The following NUP153 variants were observed in gnomAD, a reference collection of about 807,000 sequenced individuals.
NUP153 encodes nuclear pore complex protein Nup153.
Under a neutral mutation model 134.6 loss-of-function variants are expected in NUP153, and 27 were observed. That is an observed-to-expected ratio of 0.20 (90% CI 0.15 to 0.28). NUP153 has a LOEUF of 0.28. Among genes scored for constraint, NUP153 ranks in the 10% least tolerant of loss-of-function variants. The pLI, the probability that NUP153 is intolerant of heterozygous loss-of-function variation, is 1.00. For missense variants in NUP153, 1,821 were observed against 1,731.3 expected (o/e 1.05, Z -0.92); for synonymous variants, 640 against 623.5 (o/e 1.03, Z -0.40).
chr6:17,619,457 A>G (rs1379892095), intron 20 of NUP153: 1 of 152,234 alleles, frequency 6.6e-6, no homozygotes, highest in Non-Finnish European at 1.5e-5. Context: ...GTTTCCCAAG[A>G]GCACAGTTAA....
In NUP153 at chr6:17,629,142, A is replaced by G. The variant is rs201517991; in HGVS notation, c.3057T>C (p.Ser1019=). The G allele has an allele frequency of 3.0e-5, 49 of 1,613,596 alleles. No homozygotes were observed. In the South Asian group the frequency reaches 5.0e-4, roughly 16 times the overall value. ...CACCTGTACCAAAGCTAAAACCTGC[A>G]GAGGAAGATTTGGGCAGTTCCTCTT... ...EKKEELPKSS[S]AGFSFGTGVI... Residue 1019 remains serine (S), a synonymous_variant, in exon 18 of 22, where the codon TCT becomes TCC. Transcript: ENST00000262077.
At chr6:17,636,928 AAG>A (rs1446834383) in intron 16 of NUP153, among the ~76,000 whole-genome samples, 4 of 152,224 alleles carry the variant, frequency 2.6e-5, no homozygotes, top group Admixed American at 2.0e-4. Flanking sequence ...ACTGTACAAA[AAG>A]AGGAGGTCGT....
At chr6:17,683,008 A>G (rs1050138040) in intron 2 of NUP153, among the ~76,000 whole-genome samples, 1 of 151,754 alleles carries the variant, frequency 6.6e-6, no homozygotes, top group Non-Finnish European at 1.5e-5. Flanking sequence ...AAGATATTGC[A>G]GTAATTCAGT....
chr6:17,705,595 G>A (rs1206740175), intron 1 of NUP153, among the ~76,000 whole-genome samples: 1 of 133,080 alleles, frequency 7.5e-6, no homozygotes, highest in Non-Finnish European at 1.6e-5. Flanking sequence ...TGGGGGGGGG[G>A]AGGGGAGTCG....
At chr6:17,626,435 A>T (rs1320763659) in intron 18 of NUP153, among the ~76,000 whole-genome samples, 1 of 152,180 alleles carries the variant, frequency 6.6e-6, no homozygotes, top group Non-Finnish European at 1.5e-5. Context: ...CTCGAATCCA[A>T]ATCTAACTGG....
intron 20 of NUP153, 137 bp from the exon 21 acceptor site, chr6:17,616,832 C>T: frequency 4.1e-6 from 3 of 738,042 alleles, no homozygotes; most frequent in Non-Finnish European, 6.6e-6. Context: ...TCACTGCAAC[C>T]CTTGCCTCCT....
rs747401978 is a variant in NUP153, at chr6:17,629,407, C to A, written c.2792G>T (p.Gly931Val). The A allele has an allele frequency of 1.1e-5, 17 of 1,613,890 alleles. No individual in the cohort carries two copies. Among genetic ancestry groups the A allele is most frequent in the Non-Finnish European group, 1.0e-5 (12 of 1,179,970 alleles). The change falls in exon 18 of 22, where the codon GGA (glycine) becomes GTA (valine). Residue 931 changes from glycine (G) to valine (V), a missense_variant. Physicochemically the swap from Gly to Val is moderately radical, Grantham distance 109. Coordinates refer to ENST00000262077, the MANE Select transcript of NUP153 (RefSeq NM_005124.4). ...TGNFKFGDQG[G>V]FKIGVSSDSG... ...ATCGGATGACACACCTATTTTGAAT[C>A]CTCCCTGATCTCCAAATTTAAAATT...
chr6:17,648,708 T>C (rs1354078782), intron 12 of NUP153, among the ~76,000 whole-genome samples: 1 of 151,792 alleles, frequency 6.6e-6, no homozygotes, highest in Non-Finnish European at 1.5e-5. Flanking sequence ...GAGGCTGAGG[T>C]GGGAGGATCA....
rs1764302597 is a variant in NUP153, at chr6:17,616,114, C to G, written c.4411G>C (p.Val1471Leu). 1 of 1,612,702 alleles carries G rather than the reference C, an allele frequency of 6.2e-7. No individual in the cohort carries two copies. The highest frequency in any genetic ancestry group is 1.7e-5 in the Admixed American group (1 of 59,998). ...SFSGRKIKTA[V>L]RRRK ...TGTGACCTTTATTTCCTGCGTCTAA[C>G]AGCAGTCTTTATCTTGCGACCAGAG... The change falls in exon 22 of 22, where the codon GTT becomes CTT. Residue 1471 changes from valine (V) to leucine (L), a missense_variant. Val to Leu is a conservative substitution (Grantham distance 32, BLOSUM62 1). Coordinates refer to ENST00000262077, the MANE Select transcript of NUP153 (RefSeq NM_005124.4).
In NUP153 at chr6:17,616,063, G is replaced by A. The variant is rs368448871; in HGVS notation, c.*34C>T. On this transcript the variant is annotated 3_prime_UTR_variant, in exon 22 of 22. Transcript: ENST00000262077. Reference sequence around the variant, plus strand: ...AGTATCTGAAAGCAGGGCACCAGCTGTTGTTAAAATTGAGTACAACACCAA... The same window carrying A: ...AGTATCTGAAAGCAGGGCACCAGCTATTGTTAAAATTGAGTACAACACCAA... The A allele has an allele frequency of 5.5e-6, 8 of 1,446,990 alleles. No individual in the cohort carries two copies. Among genetic ancestry groups the A allele is most frequent in the Middle Eastern group, 1.7e-4 (1 of 5,758 alleles). 89.6% of individuals were successfully genotyped at this position (1,446,990 alleles called of 1,614,324 possible).
At chr6:17,689,626 T>A (rs1769160474) in intron 1 of NUP153, among the ~76,000 whole-genome samples, 3 of 150,954 alleles carry the variant, frequency 2.0e-5, no homozygotes, top group African/African-American at 4.9e-5. Flanking sequence ...AACCTCCGCC[T>A]CCTGGGTTCA....
At chr6:17,632,928 G>A (rs1427185215) in intron 16 of NUP153, 84 bp from the exon 17 acceptor site, 3 of 997,332 alleles carry the variant, frequency 3.0e-6, no homozygotes, top group East Asian at 5.2e-5. Flanking sequence ...TAATGGCACT[G>A]CTAAGTTTAA....
rs1364252784 is a variant in NUP153, at chr6:17,665,369, G to C, written c.1085C>G (p.Pro362Arg). 1 of 1,611,102 alleles carries C rather than the reference G, an allele frequency of 6.2e-7. No homozygotes were observed. Among genetic ancestry groups the C allele is most frequent in the South Asian group, 1.1e-5 (1 of 90,406 alleles). ...TGGGGTCATAAGTCTCTGAACAGGA[G>C]GATATTGAGAATCCACCTTACAGGT... ...AKREKVDSQY[P>R]PVQRLMTPKP... Residue 362 changes from proline to arginine, a missense_variant, in exon 9 of 22, where the codon CCT becomes CGT. Transcript: ENST00000262077.
chr6:17,659,115 CA>C (rs1353711063), intron 11 of NUP153, among the ~76,000 whole-genome samples: 1 of 152,214 alleles, frequency 6.6e-6, no homozygotes. Flanking sequence ...AATTGGGCTA[CA>C]AAGTTTTGCC....
intron 1 of NUP153, among the ~76,000 whole-genome samples, chr6:17,692,037 C>T (rs191929415): frequency 1.1e-4 from 16 of 152,268 alleles, no homozygotes; most frequent in African/African-American, 3.8e-4. Context: ...AGCTACTAAA[C>T]GTATCAGAGA....
intron 8 of NUP153, among the ~76,000 whole-genome samples, chr6:17,666,621 CCAAAA>C (rs1160378878): frequency 6.6e-6 from 1 of 152,178 alleles, no homozygotes; most frequent in East Asian, 1.9e-4. Context: ...CCAAACCAAA[CCAAAA>C]ATCTTACAAT....
chr6:17,660,285 T>A (rs541515975), intron 11 of NUP153, among the ~76,000 whole-genome samples: 1 of 152,134 alleles, frequency 6.6e-6, no homozygotes. Context: ...CTAAAACTCA[T>A]TGGTCAATGA....
At chr6:17,669,831 T>C (rs531861666) in intron 5 of NUP153, among the ~76,000 whole-genome samples, 3 of 152,164 alleles carry the variant, frequency 2.0e-5, no homozygotes, top group East Asian at 3.9e-4. Context: ...TGGTGGCTCA[T>C]GTCTGTAATC....
intron 1 of NUP153, among the ~76,000 whole-genome samples, chr6:17,691,069 C>T (rs770738431): frequency 3.3e-5 from 5 of 151,958 alleles, no homozygotes; most frequent in Admixed American, 6.6e-5. Flanking sequence ...TTGGAACTGG[C>T]AGATGGAGGT....
Sources: gnomAD v4.1 joint callset for allele counts (sites outside exome capture counted in the v4.1 genomes callset) on GRCh38, gnomAD v4.1.1 for gene constraint, MANE v1.5 for transcripts, NCBI Gene and HGNC (gene_info 2026-07-23, HGNC 2026-07-21) for gene names.